The following NDUFS4 variants were observed in gnomAD, a reference collection of about 807,000 sequenced individuals.
NDUFS4 encodes the protein NADH dehydrogenase [ubiquinone] iron-sulfur protein 4, mitochondrial.
A neutral mutation model predicts 24.3 loss-of-function variants in NDUFS4; 28 were observed. That is an observed-to-expected ratio of 1.15 (90% CI 0.85 to 1.58). NDUFS4 has a LOEUF of 1.58. NDUFS4 is among the 40% of genes most tolerant of loss of function. The pLI, the probability that NDUFS4 is intolerant of heterozygous loss-of-function variation, is 0.00. For missense variants in NDUFS4, 223 were observed against 207.9 expected (o/e 1.07, Z -0.45); for synonymous variants, 93 against 69.7 (o/e 1.34, Z -1.67).
chr5:53,625,290 GATA>G (rs1351907846), intron 2 of NDUFS4, among the ~76,000 whole-genome samples: 1 of 151,918 alleles, frequency 6.6e-6, no homozygotes, highest in Non-Finnish European at 1.5e-5. Context: ...CTACTTTTAT[GATA>G]ATTATCTTAT....
Position 53,560,658 on chromosome 5 carries a change from G to A in NDUFS4, c.-5G>A. 6.2e-7 allele frequency: 1 copy of A among 1,614,278 alleles called. No homozygotes were observed. The highest frequency in any genetic ancestry group is 8.5e-7 in the Non-Finnish European group (1 of 1,180,052). ...CCTTTCATCCTGGCGTTTGCCTGCA[G>A]CAAGATGGCGGCGGTGTCAATGTCA... On this transcript the variant is annotated 5_prime_UTR_variant, in exon 1 of 5. Coordinates refer to ENST00000296684, the MANE Select transcript of NDUFS4 (RefSeq NM_002495.4).
intron 4 of NDUFS4, among the ~76,000 whole-genome samples, chr5:53,678,392 G>T (rs1441964352): frequency 2.0e-5 from 3 of 152,108 alleles, no homozygotes; most frequent in Non-Finnish European, 4.4e-5. Context: ...TGGCAAATCT[G>T]TGCCATATGG....
intron 4 of NDUFS4, among the ~76,000 whole-genome samples, chr5:53,667,732 C>A (rs997962767): frequency 6.6e-6 from 1 of 152,130 alleles, no homozygotes; most frequent in African/African-American, 2.4e-5. Flanking sequence ...GTAAAGACTA[C>A]TGGATTAAGA....
intron 1 of NDUFS4, among the ~76,000 whole-genome samples, chr5:53,595,633 G>A (rs1750111995): frequency 6.6e-6 from 1 of 151,946 alleles, no homozygotes; most frequent in South Asian, 2.1e-4. Context: ...CACACCCTCC[G>A]GTTTCTTTGT....
intron 4 of NDUFS4, among the ~76,000 whole-genome samples, chr5:53,675,446 GCC>G (rs1740435602): frequency 6.6e-6 from 1 of 152,152 alleles, no homozygotes; most frequent in Admixed American, 6.5e-5. Context: ...ACAGGCGTGA[GCC>G]ACCACGCCAG....
chr5:53,629,244 C>G (rs1231259606), intron 2 of NDUFS4, among the ~76,000 whole-genome samples: 1 of 152,126 alleles, frequency 6.6e-6, no homozygotes, highest in Admixed American at 6.6e-5. Flanking sequence ...GTCTGAGAGA[C>G]AGTTTCTTGT....
intron 1 of NDUFS4, among the ~76,000 whole-genome samples, chr5:53,572,555 C>T (rs1233493485): frequency 6.6e-6 from 1 of 151,832 alleles, no homozygotes; most frequent in African/African-American, 2.4e-5. Context: ...AGTTAGTTTA[C>T]TAGTATTTTT....
chr5:53,602,206 A>G (rs993541367), intron 1 of NDUFS4, among the ~76,000 whole-genome samples: 2 of 152,206 alleles, frequency 1.3e-5, no homozygotes, highest in Non-Finnish European at 2.9e-5. Context: ...TTGCCATGTT[A>G]CTGACCTTAA....
At chr5:53,648,893 C>G (rs929979198) in intron 3 of NDUFS4, among the ~76,000 whole-genome samples, 9 of 152,040 alleles carry the variant, frequency 5.9e-5, no homozygotes, top group Non-Finnish European at 1.3e-4. Context: ...GATGTTGGAT[C>G]ACATTTTTGT....
At chr5:53,672,281 T>A (rs1382061821) in intron 4 of NDUFS4, among the ~76,000 whole-genome samples, 1 of 151,100 alleles carries the variant, frequency 6.6e-6, no homozygotes, top group Non-Finnish European at 1.5e-5. Context: ...GACTTTCATA[T>A]AGGTATAAAT....
chr5:53,652,123 G>A (rs1452706544), intron 3 of NDUFS4, among the ~76,000 whole-genome samples: 2 of 152,100 alleles, frequency 1.3e-5, no homozygotes, highest in Admixed American at 6.5e-5. Context: ...TCATATTGAT[G>A]GAATGGCTTG....
At chr5:53,634,016 G>A (rs372498565) in intron 2 of NDUFS4, among the ~76,000 whole-genome samples, 5 of 152,150 alleles carry the variant, frequency 3.3e-5, no homozygotes, top group African/African-American at 1.2e-4. Flanking sequence ...AAGAATACAC[G>A]TGTACATTCT....
intron 2 of NDUFS4, among the ~76,000 whole-genome samples, chr5:53,603,940 A>T: frequency 6.6e-6 from 1 of 152,176 alleles, no homozygotes; most frequent in African/African-American, 2.4e-5. Context: ...CACTATATGT[A>T]TATATGTATA....
intron 3 of NDUFS4, among the ~76,000 whole-genome samples, chr5:53,658,185 A>T (rs1204521967): frequency 6.6e-6 from 1 of 152,156 alleles, no homozygotes; most frequent in African/African-American, 2.4e-5. Flanking sequence ...TTCTTGAGTA[A>T]TGATAGGACT....
intron 1 of NDUFS4, among the ~76,000 whole-genome samples, chr5:53,598,606 G>T (rs1202962831): frequency 6.6e-6 from 1 of 152,028 alleles, no homozygotes; most frequent in African/African-American, 2.4e-5. Flanking sequence ...TACAGCAAAA[G>T]ATGTTTATAT....
At chr5:53,658,457 T>C (rs748096682) in intron 3 of NDUFS4, 94 bp from the exon 4 acceptor site, 65 of 836,244 alleles carry the variant, frequency 7.8e-5, no homozygotes, top group Middle Eastern at 2.7e-4. Flanking sequence ...AATGTACTTA[T>C]TTGATTTTAT....
At chr5:53,566,182 A>G (rs1032725023) in intron 1 of NDUFS4, among the ~76,000 whole-genome samples, 2 of 152,180 alleles carry the variant, frequency 1.3e-5, no homozygotes, top group Non-Finnish European at 2.9e-5. Context: ...AAAAGTTAAT[A>G]ATACACGGAA....
At chr5:53,567,590 C>T (rs2112409251) in intron 1 of NDUFS4, among the ~76,000 whole-genome samples, 1 of 151,362 alleles carries the variant, frequency 6.6e-6, no homozygotes, top group South Asian at 2.1e-4. Context: ...CTTACTGATT[C>T]CAGTGATTAG....
chr5:53,580,993 C>T (rs185778833), intron 1 of NDUFS4, among the ~76,000 whole-genome samples: 355 of 152,190 alleles, frequency 2.3e-3, no homozygotes, highest in Non-Finnish European at 3.9e-3. Context: ...GCCACCGTGC[C>T]CGGCTAATTT....
Sources: gnomAD v4.1 joint callset for allele counts (sites outside exome capture counted in the v4.1 genomes callset) on GRCh38, gnomAD v4.1.1 for gene constraint, MANE v1.5 for transcripts, NCBI Gene and HGNC (gene_info 2026-07-23, HGNC 2026-07-21) for gene names.